The following PRKAG2 variants were observed in gnomAD, a reference collection of about 807,000 sequenced individuals.
The protein encoded by PRKAG2 is 5'-AMP-activated protein kinase subunit gamma-2.
In PRKAG2, 26 loss-of-function variants were observed where a neutral mutation model predicts 69.6. The observed-to-expected ratio is 0.37, with a 90% CI of 0.27 to 0.52. The LOEUF (loss-of-function observed/expected upper bound fraction) is 0.52. Ranked by LOEUF, PRKAG2 falls within the 20% of genes least tolerant of loss-of-function variation. The pLI, the probability that PRKAG2 is intolerant of heterozygous loss-of-function variation, is 0.90. For synonymous variants in PRKAG2, 293 were observed against 285.0 expected, an observed-to-expected ratio of 1.03 and a Z score of -0.28; for missense variants, 557 against 740.0, an observed-to-expected ratio of 0.75 and a Z score of 2.87.
intron 3 of PRKAG2, among the ~76,000 whole-genome samples, chr7:151,676,997 CAG>C (rs1833047655): frequency 6.6e-6 from 1 of 152,220 alleles, no homozygotes; most frequent in African/African-American, 2.4e-5. Context: ...CTACAGGTTT[CAG>C]AGAGAGCGTG....
intron 3 of PRKAG2, among the ~76,000 whole-genome samples, chr7:151,693,102 C>T (rs1352811655): frequency 6.6e-6 from 1 of 152,258 alleles, no homozygotes; most frequent in Non-Finnish European, 1.5e-5. Flanking sequence ...CCACCAGACT[C>T]AGTCACCCGG....
At chr7:151,693,441 C>A (rs1177267109) in intron 3 of PRKAG2, among the ~76,000 whole-genome samples, 1 of 152,232 alleles carries the variant, frequency 6.6e-6, no homozygotes, top group Non-Finnish European at 1.5e-5. Flanking sequence ...CATCACCTCC[C>A]CGGGCCATCA....
chr7:151,757,098 G>A (rs183749338), intron 3 of PRKAG2, among the ~76,000 whole-genome samples: 109 of 152,244 alleles, frequency 7.2e-4, no homozygotes, highest in African/African-American at 1.3e-3. Flanking sequence ...ACTGCCTGGC[G>A]TTTGTTCTGC....
At chr7:151,735,265 A>G (rs1321689212) in intron 3 of PRKAG2, among the ~76,000 whole-genome samples, 1 of 152,172 alleles carries the variant, frequency 6.6e-6, no homozygotes, top group Non-Finnish European at 1.5e-5. Flanking sequence ...CAGACAGACA[A>G]GGGCAAAACC....
chr7:151,611,595 C>T (rs1386284692), intron 5 of PRKAG2, among the ~76,000 whole-genome samples: 3 of 152,112 alleles, frequency 2.0e-5, no homozygotes, highest in Admixed American at 6.5e-5. Context: ...ATGAGTGAGG[C>T]GTGGATCCAG....
chr7:151,617,627 A>T (rs557829494), intron 5 of PRKAG2, among the ~76,000 whole-genome samples: 3 of 152,300 alleles, frequency 2.0e-5, no homozygotes, highest in Admixed American at 2.0e-4. Flanking sequence ...GAGTTTTTTT[A>T]AAATAATCAT....
At chr7:151,736,448 G>C (rs1799830946) in intron 3 of PRKAG2, 1 of 938,828 alleles carries the variant, frequency 1.1e-6, no homozygotes, top group Admixed American at 5.4e-5. Flanking sequence ...AGGCAAAGGA[G>C]GCACAAGCCT....
At chr7:151,695,028 G>T (rs1011425173) in intron 3 of PRKAG2, among the ~76,000 whole-genome samples, 1 of 152,230 alleles carries the variant, frequency 6.6e-6, no homozygotes, top group Non-Finnish European at 1.5e-5. Context: ...CCGGGACAAC[G>T]CCAGACATTC....
At chr7:151,670,896 G>A (rs866250818) in intron 4 of PRKAG2, among the ~76,000 whole-genome samples, 126 of 81,660 alleles carry the variant, frequency 1.5e-3, no homozygotes, top group African/African-American at 4.9e-3. Flanking sequence ...TGTTGGCCGC[G>A]CGTGGTTGGC....
In PRKAG2 at chr7:151,568,705, A is replaced by G; in HGVS notation, c.1233+11T>C. The G allele has an allele frequency of 1.2e-6, 2 of 1,613,458 alleles. No individual in the cohort carries two copies. Among genetic ancestry groups the G allele is most frequent in the Non-Finnish European group, 1.7e-6 (2 of 1,179,516 alleles). On this transcript the variant is annotated intron_variant, in intron 11 of 15. Transcript: ENST00000287878. Reference sequence around the variant, plus strand: ...GCAATTATGTCTTTAGAAACGCTAAAAACTACTTACAAAAAGCTGGAGGAA... The same window carrying G: ...GCAATTATGTCTTTAGAAACGCTAAGAACTACTTACAAAAAGCTGGAGGAA...
chr7:151,768,568 C>G (rs1035964346), intron 3 of PRKAG2, among the ~76,000 whole-genome samples: 1 of 152,158 alleles, frequency 6.6e-6, no homozygotes, highest in African/African-American at 2.4e-5. Context: ...TGAGTTCAAG[C>G]GATCCTCCTG....
intron 3 of PRKAG2, among the ~76,000 whole-genome samples, chr7:151,705,414 A>G (rs2727564): frequency 0.62 from 94,220 of 151,970 alleles, 31,048 homozygotes; most frequent in African/African-American, 0.86. Context: ...GTTGGCTGGC[A>G]AGCACTCGGT....
intron 6 of PRKAG2, among the ~76,000 whole-genome samples, chr7:151,589,472 C>A (rs933611464): frequency 2.0e-5 from 3 of 152,218 alleles, no homozygotes; most frequent in African/African-American, 4.8e-5. Flanking sequence ...CCAGCTGATG[C>A]TGAAGCTGCT....
intron 3 of PRKAG2, among the ~76,000 whole-genome samples, chr7:151,676,553 TCTAA>T (rs1056680780): frequency 6.6e-6 from 1 of 152,200 alleles, no homozygotes; most frequent in African/African-American, 2.4e-5. Flanking sequence ...TTGACTTATT[TCTAA>T]CTAACAGAAA....
At position 151,583,177 on chromosome 7, in the gene PRKAG2, T is replaced by C. The variant is rs1219511837; in HGVS notation, c.865-6725A>G. ...CTGGGATCACAGGCATATGCCACCA[T>C]GCTCAGCTAATTTTTAAATCTTTTT... On this transcript the variant is annotated intron_variant, in intron 6 of 15. Coordinates refer to ENST00000287878, the MANE Select transcript of PRKAG2 (RefSeq NM_016203.4). This position sits in a 1 kb window ranked among gnomAD's most constrained non-coding sequence, Gnocchi z 4.1. 6.6e-6 allele frequency among the ~76,000 whole-genome samples: 1 copy of C among 152,178 alleles called. No individual in the cohort carries two copies. Among genetic ancestry groups the C allele is most frequent in the Non-Finnish European group, 1.5e-5 (1 of 68,034 alleles).
At chr7:151,823,409 C>G (rs2078837852) in intron 1 of PRKAG2, among the ~76,000 whole-genome samples, 1 of 150,826 alleles carries the variant, frequency 6.6e-6, no homozygotes, top group Non-Finnish European at 1.5e-5. Flanking sequence ...CCCAGAACCT[C>G]AGAATGTGAC....
chr7:151,564,279 AC>A (rs1335805233), intron 13 of PRKAG2, 55 bp from the exon 14 acceptor site: 2 of 1,595,240 alleles, frequency 1.3e-6, no homozygotes, highest in Non-Finnish European at 1.7e-6. Context: ...CACTTCAATG[AC>A]CAAAATTAGT....
At chr7:151,844,576 C>G (rs559028805) in intron 1 of PRKAG2, among the ~76,000 whole-genome samples, 2 of 152,126 alleles carry the variant, frequency 1.3e-5, no homozygotes, top group African/African-American at 4.8e-5. Flanking sequence ...GAAAGAGATA[C>G]GAAACGTAGA....
intron 4 of PRKAG2, among the ~76,000 whole-genome samples, chr7:151,658,948 A>C (rs193001130): frequency 7.2e-5 from 11 of 152,350 alleles, no homozygotes; most frequent in Non-Finnish European, 1.6e-4. Context: ...TTGGAGGGGA[A>C]GGGAATGCAA....
Sources: gnomAD v4.1 joint callset for allele counts (sites outside exome capture counted in the v4.1 genomes callset) on GRCh38, gnomAD v4.1.1 for gene constraint, Gnocchi (gnomAD v3.1) non-coding constraint, MANE v1.5 for transcripts, NCBI Gene and HGNC (gene_info 2026-07-23, HGNC 2026-07-21) for gene names.